CDC27: variants seen among roughly 807,000 people sequenced by gnomAD.
CDC27 encodes the protein cell division cycle 27.
In CDC27, 27 loss-of-function variants were observed where a neutral mutation model predicts 109.7. The observed-to-expected ratio is 0.25, with a 90% CI of 0.18 to 0.34. CDC27 has a LOEUF of 0.34. Ranked by LOEUF, CDC27 falls within the 10% of genes least tolerant of loss-of-function variation. The pLI is 1.00. For synonymous variants in CDC27, 266 were observed against 333.9 expected (o/e 0.80, Z 2.22); for missense variants, 579 against 960.2 (o/e 0.60, Z 5.25).
At chr17:47,126,353 G>A (rs748410715) in intron 16 of CDC27, among the ~76,000 whole-genome samples, 20 of 152,066 alleles carry the variant, frequency 1.3e-4, no homozygotes, top group Non-Finnish European at 2.5e-4. Flanking sequence ...ATTCAGCGAA[G>A]CCCCAAGCTC....
In CDC27 at chr17:47,142,299, G is replaced by T; in HGVS notation, c.1308C>A (p.Ile436=). 6.3e-7 allele frequency: 1 copy of T among 1,597,348 alleles called. No individual in the cohort carries two copies. The highest frequency in any genetic ancestry group is 8.6e-7 in the Non-Finnish European group (1 of 1,166,516). The change falls in exon 11 of 19, where the codon ATC becomes ATA. Residue 436 remains isoleucine (I), a synonymous_variant. Transcript: ENST00000066544. ...SLEITKLDSS[I]ISEGKISTIT... The stretch of plus-strand genomic sequence containing the variant: ...TTGTGGATATTTTCCCTTCTGAAAT[G>T]ATGGAAGAGTCCAATTTTGTAATTT...
chr17:47,174,076 AGAGT>A (rs2063904668), intron 2 of CDC27, among the ~76,000 whole-genome samples: 1 of 152,266 alleles, frequency 6.6e-6, no homozygotes, highest in South Asian at 2.1e-4. Context: ...CCTGGGTGAC[AGAGT>A]GAGATTCTGT....
intron 1 of CDC27, among the ~76,000 whole-genome samples, chr17:47,182,775 G>A (rs991661372): frequency 6.6e-6 from 1 of 152,006 alleles, no homozygotes; most frequent in African/African-American, 2.4e-5. Flanking sequence ...GGACATTTGG[G>A]TTATTTCTAG....
chr17:47,133,024 T>C (rs369614908), intron 14 of CDC27, among the ~76,000 whole-genome samples: 4,446 of 46,326 alleles, frequency 0.096, 152 homozygotes, highest in Non-Finnish European at 0.12. Flanking sequence ...TATATATATA[T>C]ATATACACAC....
chr17:47,138,044 G>A (rs977020693), intron 13 of CDC27, among the ~76,000 whole-genome samples: 17 of 152,080 alleles, frequency 1.1e-4, no homozygotes, highest in African/African-American at 1.9e-4. Context: ...CAAGGAATCC[G>A]CCTGCCTCAG....
intron 9 of CDC27, among the ~76,000 whole-genome samples, chr17:47,148,125 G>C (rs1337102757): frequency 6.6e-6 from 1 of 151,286 alleles, no homozygotes; most frequent in African/African-American, 2.4e-5. Context: ...TTGAACCCAG[G>C]AGGGGCGGAG....
At chr17:47,129,780 G>A (rs11570555) in intron 15 of CDC27, among the ~76,000 whole-genome samples, 2,442 of 152,170 alleles carry the variant, frequency 0.016, 50 homozygotes, top group African/African-American at 0.056. Flanking sequence ...TAAATAATTT[G>A]CTCTGTGATA....
chr17:47,166,369 C>G (rs2148950428), intron 4 of CDC27, among the ~76,000 whole-genome samples: 1 of 152,314 alleles, frequency 6.6e-6, no homozygotes, highest in African/African-American at 2.4e-5. Context: ...CCCATTTCAT[C>G]TAAGTTGTTA....
chr17:47,168,675 A>C (rs2063721048), intron 4 of CDC27, among the ~76,000 whole-genome samples: 1 of 152,182 alleles, frequency 6.6e-6, no homozygotes, highest in Non-Finnish European at 1.5e-5. Flanking sequence ...AAGGTAAATG[A>C]ATATATTGAT....
intron 15 of CDC27, among the ~76,000 whole-genome samples, chr17:47,130,647 G>A (rs2062296418): frequency 6.6e-6 from 1 of 151,988 alleles, no homozygotes; most frequent in Admixed American, 6.6e-5. Flanking sequence ...GGCCAACGTG[G>A]GTGGATCACC....
intron 2 of CDC27, among the ~76,000 whole-genome samples, chr17:47,175,632 A>G (rs981694235): frequency 3.9e-5 from 6 of 152,196 alleles, no homozygotes; most frequent in Admixed American, 3.9e-4. Context: ...CCTGGCCAAC[A>G]TGGCGAAACC....
chr17:47,189,221 GCGGCTC>G lies in CDC27; in HGVS notation c.-55_-50del. 1 of 1,503,420 alleles carries G rather than the reference GCGGCTC, an allele frequency of 6.7e-7. No individual in the cohort carries two copies. The highest frequency in any genetic ancestry group is 9.3e-7 in the Non-Finnish European group (1 of 1,079,640). 93.1% of individuals were successfully genotyped at this position (1,503,420 alleles called of 1,614,324 possible). The stretch of plus-strand genomic sequence containing the variant: ...TGCAGTGCCTCAGGCCCCCCCTGTA[GCGGCTC>G]CGGCCCGGCCAGCCCCTGCTCATTT... On this transcript the variant is annotated 5_prime_UTR_variant, in exon 1 of 19. Coordinates refer to ENST00000066544, the MANE Select transcript of CDC27 (RefSeq NM_001256.6).
chr17:47,142,989 T>G (rs2062844543), intron 10 of CDC27, among the ~76,000 whole-genome samples: 1 of 151,956 alleles, frequency 6.6e-6, no homozygotes, highest in South Asian at 2.1e-4. Context: ...GTTTTGTTTT[T>G]GGGACAGGAT....
chr17:47,158,329 A>G, intron 4 of CDC27, 26 bp from the exon 5 acceptor site: 1 of 1,264,308 alleles, frequency 7.9e-7, no homozygotes. Context: ...AGTAGATTAA[A>G]TAAGCTACAA....
intron 4 of CDC27, among the ~76,000 whole-genome samples, chr17:47,162,947 A>T (rs1384825068): frequency 1.3e-5 from 2 of 152,180 alleles, no homozygotes; most frequent in African/African-American, 4.8e-5. Flanking sequence ...GAATTATAAT[A>T]ATCTAGCCTG....
chr17:47,164,686 G>A (rs1324502666), intron 4 of CDC27, among the ~76,000 whole-genome samples: 4 of 152,020 alleles, frequency 2.6e-5, no homozygotes, highest in African/African-American at 4.8e-5. Context: ...GCATGGTGGC[G>A]CTCACATGTA....
In CDC27 at chr17:47,166,658, T is replaced by G. The variant is rs1189972496; in HGVS notation, c.377+3259A>C. ...CTTGGATTTACTGTGCTCTTCTTTT[T>G]CTAGTTTCTTACAGTGAAAGCTTAG... On this transcript the variant is annotated intron_variant, in intron 4 of 18. Coordinates refer to ENST00000066544, the MANE Select transcript of CDC27 (RefSeq NM_001256.6). Among the ~76,000 whole-genome samples the G allele has an allele frequency of 2.0e-5, 3 of 152,192 alleles. No homozygotes were observed. In the East Asian group the frequency reaches 5.8e-4, roughly 29 times the overall value.
At chr17:47,123,283 T>C (rs1475085220) in intron 17 of CDC27, among the ~76,000 whole-genome samples, 1 of 152,160 alleles carries the variant, frequency 6.6e-6, no homozygotes, top group Non-Finnish European at 1.5e-5. Context: ...CCTTAACTAA[T>C]TGGCATATGG....
chr17:47,185,414 A>ACCTCGTG (rs2064397166), intron 1 of CDC27, among the ~76,000 whole-genome samples: 1 of 152,018 alleles, frequency 6.6e-6, no homozygotes, highest in Non-Finnish European at 1.5e-5. Context: ...CGATCTCCTG[A>ACCTCGTG]CCTCGTGATC....
Sources: gnomAD v4.1 joint callset for allele counts (sites outside exome capture counted in the v4.1 genomes callset) on GRCh38, gnomAD v4.1.1 for gene constraint, MANE v1.5 for transcripts, NCBI Gene and HGNC (gene_info 2026-07-23, HGNC 2026-07-21) for gene names.